Variants in YJU2B observed in about 807,000 individuals in gnomAD.
YJU2B encodes the protein probable splicing factor YJU2B.
YJU2B carries 18 observed loss-of-function variants against 38.0 expected under a neutral mutation model. That is an observed-to-expected ratio of 0.47 (90% CI 0.33 to 0.70). The LOEUF is 0.70. YJU2B is among the 30% of genes least tolerant of loss of function. The pLI is 0.02. For synonymous variants in YJU2B, 246 were observed against 225.4 expected, an observed-to-expected ratio of 1.09 and a Z score of -0.82; for missense variants, 538 against 556.3, an observed-to-expected ratio of 0.97 and a Z score of 0.33.
chr19:13,735,690 T>G (rs1423136097), intron 2 of YJU2B, among the ~76,000 whole-genome samples: 1 of 152,070 alleles, frequency 6.6e-6, no homozygotes, highest in African/African-American at 2.4e-5. Context: ...AGGGGCTCCT[T>G]TGTGGGAAAT....
chr19:13,760,043 C>T (rs1422886750), intron 8 of YJU2B, among the ~76,000 whole-genome samples: 1 of 152,068 alleles, frequency 6.6e-6, no homozygotes, highest in Non-Finnish European at 1.5e-5. Flanking sequence ...CTGCCTGCCT[C>T]GGCCTCCTAA....
intron 8 of YJU2B, among the ~76,000 whole-genome samples, chr19:13,760,784 T>A (rs1973858653): frequency 6.6e-6 from 1 of 151,876 alleles, no homozygotes; most frequent in African/African-American, 2.4e-5. Context: ...GTGTTTTGTT[T>A]TTGCTTAGAC....
upstream of YJU2B, chr19:13,747,868 G>A (rs748422910): frequency 1.3e-5 from 2 of 152,350 alleles, no homozygotes; most frequent in East Asian, 1.9e-4. Context: ...CCGGCGTCCT[G>A]GGGGCGCGGA....
chr19:13,746,766 G>T (rs368278516), upstream of YJU2B, among the ~76,000 whole-genome samples: 1 of 152,126 alleles, frequency 6.6e-6, no homozygotes, highest in East Asian at 1.9e-4. Flanking sequence ...AAATAGCCGG[G>T]CGTGGTGGAA....
chr19:13,748,297 A>T (rs752169518), intron 1 of YJU2B, among the ~76,000 whole-genome samples: 1 of 152,154 alleles, frequency 6.6e-6, no homozygotes, highest in Non-Finnish European at 1.5e-5. Context: ...AGCAGAAATG[A>T]CTAAACTGCC....
chr19:13,733,863 A>G (rs1972879880), intron 2 of YJU2B, among the ~76,000 whole-genome samples: 1 of 152,118 alleles, frequency 6.6e-6, no homozygotes, highest in African/African-American at 2.4e-5. Flanking sequence ...GCCAAGAATT[A>G]AAAGAGAGAA....
At position 13,763,032 on chromosome 19, in the gene YJU2B, C is replaced by T. The variant is rs957377883; in HGVS notation, c.1155C>T (p.Ser385=). 3 of 1,578,704 alleles carry T rather than the reference C, an allele frequency of 1.9e-6. No homozygotes were observed. The highest frequency in any genetic ancestry group is 2.6e-6 in the Non-Finnish European group (3 of 1,161,684). The stretch of plus-strand genomic sequence containing the variant: ...GGCACCCCTGCAGTCTCGGCTCCTC[C>T]CTCGTGGCGGACTACTCCGACTCGG... ...DTRHPCSLGS[S]LVADYSDSES... Residue 385 remains serine, a synonymous_variant, in exon 10 of 10, where the codon TCC becomes TCT. Transcript: ENST00000221554.
At chr19:13,747,882 G>A (rs1973303273), upstream of YJU2B, 1 of 152,304 alleles carries the variant, frequency 6.6e-6, no homozygotes, top group Non-Finnish European at 1.5e-5. Context: ...GCGCGGAGAG[G>A]GCGCCCAGGT....
intron 5 of YJU2B, 39 bp downstream of exon 5, chr19:13,757,512 T>C: frequency 7.1e-7 from 1 of 1,410,910 alleles, no homozygotes; most frequent in Non-Finnish European, 1.0e-6. Context: ...CCTGCAAACA[T>C]CAGACCCCCT....
At chr19:13,756,066 G>A (rs555982492) in intron 3 of YJU2B, 131 bp from the exon 4 acceptor site, 177 of 718,676 alleles carry the variant, frequency 2.5e-4, no homozygotes, top group Non-Finnish European at 4.2e-4. Context: ...ATGAACACCC[G>A]TCCTGCAGGA....
intron 2 of YJU2B, among the ~76,000 whole-genome samples, chr19:13,738,371 T>C (rs1481580988): frequency 1.3e-5 from 2 of 152,216 alleles, no homozygotes; most frequent in Admixed American, 1.3e-4. Flanking sequence ...TTTCTTCTGA[T>C]TCTTGGTATC....
At chr19:13,736,818 G>T (rs1599487829) in intron 2 of YJU2B, among the ~76,000 whole-genome samples, 1 of 151,788 alleles carries the variant, frequency 6.6e-6, no homozygotes, top group Non-Finnish European at 1.5e-5. Context: ...GATCACCTGA[G>T]GTCAGGAGTT....
At chr19:13,731,804 T>TC (rs1972826875) in exon 1 of YJU2B, 1 of 152,230 alleles carries the variant, frequency 6.6e-6, no homozygotes, top group Admixed American at 6.5e-5. Context: ...TGAACCCGCT[T>TC]CCAGGGTCCT....
At position 13,757,830 on chromosome 19, in the gene YJU2B, A is replaced by G; in HGVS notation, c.241A>G (p.Thr81Ala). The G allele has an allele frequency of 6.2e-7, 1 of 1,614,000 alleles. No homozygotes were observed. Among genetic ancestry groups the G allele is most frequent in the South Asian group, 1.1e-5 (1 of 91,078 alleles). ...AAAGAAGAAGGTGGGCAATTACTAC[A>G]CAACCCCGATCTACAGGTAAGGGCG... ...AEKKKVGNYY[T>A]TPIYRFRMKC... The change falls in exon 6 of 10, where the codon ACA (threonine) becomes GCA (alanine). Residue 81 changes from threonine (T) to alanine (A), a missense_variant. Coordinates refer to ENST00000221554, the MANE Select transcript of YJU2B (RefSeq NM_030818.4).
intron 3 of YJU2B, among the ~76,000 whole-genome samples, chr19:13,755,810 T>C (rs1973645166): frequency 6.6e-6 from 1 of 151,686 alleles, no homozygotes; most frequent in African/African-American, 2.4e-5. Context: ...ACAAAAAAAA[T>C]AGCCGGGCGT....
chr19:13,746,703 T>C (rs1218518823), upstream of YJU2B, among the ~76,000 whole-genome samples: 1 of 152,174 alleles, frequency 6.6e-6, no homozygotes, highest in Non-Finnish European at 1.5e-5. Flanking sequence ...GGTTGGGACT[T>C]CCAGACCAGT....
intron 2 of YJU2B, among the ~76,000 whole-genome samples, chr19:13,752,707 A>G (rs7256797): frequency 0.086 from 13,017 of 151,960 alleles, 1,865 homozygotes; most frequent in African/African-American, 0.3. Context: ...ACATGCCACC[A>G]CACTCCAGCC....
At chr19:13,752,580 C>A (rs1049025819) in intron 2 of YJU2B, among the ~76,000 whole-genome samples, 13 of 152,190 alleles carry the variant, frequency 8.5e-5, no homozygotes, top group African/African-American at 3.1e-4. Flanking sequence ...CCCGTCTCTA[C>A]TAAAAATACA....
chr19:13,759,981 G>A lies in YJU2B; in HGVS notation c.573+709G>A, dbSNP rs1270719586. Reference sequence around the variant, plus strand: ...CACAGCTAGTATTCTTAGTAGAGACGGGGTTTCTCCATGTTGGTCAGGCAG... The same window carrying A: ...CACAGCTAGTATTCTTAGTAGAGACAGGGTTTCTCCATGTTGGTCAGGCAG... On this transcript the variant is annotated intron_variant, in intron 8 of 9. Coordinates refer to ENST00000221554, the MANE Select transcript of YJU2B (RefSeq NM_030818.4). 3.3e-5 allele frequency among the ~76,000 whole-genome samples: 5 copies of A among 152,000 alleles called. No homozygotes were observed. The East Asian group carries it at 9.6e-4, about 29-fold the overall frequency.
Sources: gnomAD v4.1 joint callset for allele counts (sites outside exome capture counted in the v4.1 genomes callset) on GRCh38, gnomAD v4.1.1 for gene constraint, MANE v1.5 for transcripts, NCBI Gene and HGNC (gene_info 2026-07-23, HGNC 2026-07-21) for gene names.